Variants in CDK17 observed in about 807,000 individuals in gnomAD.
CDK17 encodes cyclin dependent kinase 17, also known as cyclin-dependent kinase 17.
In CDK17, 24 loss-of-function variants were observed where a neutral mutation model predicts 77.6. The ratio of observed to expected loss-of-function variants is 0.31; its 90% CI spans 0.22 to 0.44. The LOEUF is 0.44. Among genes scored for constraint, CDK17 ranks in the 20% least tolerant of loss-of-function variants. CDK17 has a pLI of 1.00. For synonymous variants in CDK17, 203 were observed against 210.4 expected (o/e 0.96, Z 0.30); for missense variants, 429 against 622.5 (o/e 0.69, Z 3.31).
chr12:96,329,954 T>C (rs764210349), intron 2 of CDK17, among the ~76,000 whole-genome samples: 2 of 152,250 alleles, frequency 1.3e-5, no homozygotes, highest in African/African-American at 2.4e-5. Flanking sequence ...TTACTTCTAA[T>C]GCTAAATAAT....
intron 1 of CDK17, among the ~76,000 whole-genome samples, chr12:96,395,726 G>A (rs1042727393): frequency 6.6e-6 from 1 of 152,146 alleles, no homozygotes; most frequent in East Asian, 1.9e-4. Context: ...GTTTAGATTA[G>A]GTCCTAAGAG....
chr12:96,354,681 G>A (rs1478722085), intron 1 of CDK17, among the ~76,000 whole-genome samples: 2 of 151,976 alleles, frequency 1.3e-5, no homozygotes, highest in African/African-American at 4.8e-5. Flanking sequence ...AGAGTTCCAA[G>A]ACCAGCCTTG....
intron 1 of CDK17, among the ~76,000 whole-genome samples, chr12:96,376,583 A>C (rs934272665): frequency 6.6e-6 from 1 of 152,234 alleles, no homozygotes; most frequent in Non-Finnish European, 1.5e-5. Flanking sequence ...CAGTGACACT[A>C]GTCTCATCAC....
intron 4 of CDK17, among the ~76,000 whole-genome samples, chr12:96,312,641 T>C (rs936303917): frequency 7.9e-5 from 12 of 152,082 alleles, no homozygotes; most frequent in Non-Finnish European, 1.5e-4. Flanking sequence ...AAAGCAACAA[T>C]ACTTTCATTT....
intron 5 of CDK17, among the ~76,000 whole-genome samples, chr12:96,301,159 C>G (rs1952494635): frequency 6.7e-6 from 1 of 149,286 alleles, no homozygotes; most frequent in African/African-American, 2.5e-5. Context: ...GAAAATCATG[C>G]TCTTCTATGG....
intron 2 of CDK17, among the ~76,000 whole-genome samples, chr12:96,326,184 T>C (rs1952889557): frequency 1.3e-5 from 2 of 152,320 alleles, no homozygotes. Flanking sequence ...TACAGCTTGA[T>C]TGTTCTGGAG....
At chr12:96,389,026 TTTA>T (rs59971369) in intron 1 of CDK17, among the ~76,000 whole-genome samples, 37 of 150,972 alleles carry the variant, frequency 2.5e-4, no homozygotes, top group African/African-American at 6.5e-4. Flanking sequence ...CTCACTTTTT[TTTA>T]TTATTATTAT....
chr12:96,287,138 G>A (rs573848666), intron 11 of CDK17, among the ~76,000 whole-genome samples: 1 of 152,238 alleles, frequency 6.6e-6, no homozygotes, highest in African/African-American at 2.4e-5. Flanking sequence ...AGACAGGAGT[G>A]GGGAAAAACA....
At chr12:96,362,891 G>A (rs549510570) in intron 1 of CDK17, among the ~76,000 whole-genome samples, 1 of 152,144 alleles carries the variant, frequency 6.6e-6, no homozygotes, top group East Asian at 1.9e-4. Context: ...GGGATGGAGG[G>A]TTCAATACTG....
intron 1 of CDK17, among the ~76,000 whole-genome samples, chr12:96,367,518 G>A (rs35046054): frequency 1.3e-5 from 2 of 151,872 alleles, no homozygotes; most frequent in Non-Finnish European, 2.9e-5. Flanking sequence ...AGCAGATTCA[G>A]AACTATTATT....
At chr12:96,325,249 T>A (rs1952877468) in intron 2 of CDK17, among the ~76,000 whole-genome samples, 3 of 152,212 alleles carry the variant, frequency 2.0e-5, no homozygotes, top group African/African-American at 4.8e-5. Flanking sequence ...AAGCCAACTA[T>A]TCTTCTGTAG....
intron 1 of CDK17, among the ~76,000 whole-genome samples, chr12:96,343,300 G>A (rs1300650308): frequency 6.6e-6 from 1 of 152,176 alleles, no homozygotes; most frequent in East Asian, 1.9e-4. Context: ...TGACTCACAT[G>A]GGCAAACCAG....
At chr12:96,342,336 C>A (rs570082974) in intron 1 of CDK17, among the ~76,000 whole-genome samples, 1 of 152,212 alleles carries the variant, frequency 6.6e-6, no homozygotes, top group African/African-American at 2.4e-5. Flanking sequence ...TGAGGAATAA[C>A]CAGTGTTTAA....
chr12:96,360,711 G>A (rs984514599), intron 1 of CDK17, among the ~76,000 whole-genome samples: 1 of 152,156 alleles, frequency 6.6e-6, no homozygotes, highest in Non-Finnish European at 1.5e-5. Flanking sequence ...CGTATACCCA[G>A]GCAGCTCTGG....
chr12:96,362,965 C>T (rs1327418709), intron 1 of CDK17, among the ~76,000 whole-genome samples: 1 of 152,050 alleles, frequency 6.6e-6, no homozygotes, highest in African/African-American at 2.4e-5. Context: ...ATCCAAGGTA[C>T]AGTGATGAAA....
intron 6 of CDK17, 50 bp from the exon 7 acceptor site, chr12:96,299,033 T>G (rs746404148): frequency 6.0e-6 from 5 of 839,790 alleles, no homozygotes; most frequent in African/African-American, 5.2e-5. Context: ...TAAGAGTCTA[T>G]TTAATACCAT....
intron 3 of CDK17, among the ~76,000 whole-genome samples, chr12:96,316,793 G>A (rs867211591): frequency 7.8e-4 from 104 of 133,140 alleles, no homozygotes; most frequent in Middle Eastern, 7.5e-3. Context: ...CATCCACACC[G>A]AAAACCCATC....
In CDK17 at chr12:96,286,722, T is replaced by C; in HGVS notation, c.1158A>G (p.Arg386=). ...CCACGGTTGATCCTGGAAATAAAGG[T>C]CTTCCAGAAGCCATTTCAAAGAAAA... ...GCIFFEMASG[R]PLFPGSTVED... Residue 386 remains arginine, a synonymous_variant, in exon 12 of 17, where the codon AGA becomes AGG. Transcript: ENST00000261211. 6.2e-7 allele frequency: 1 copy of C among 1,613,394 alleles called. No individual in the cohort carries two copies.
chr12:96,285,345 G>A (rs1166839127), intron 13 of CDK17, among the ~76,000 whole-genome samples: 1 of 152,064 alleles, frequency 6.6e-6, no homozygotes, highest in Non-Finnish European at 1.5e-5. Context: ...GAAAATAAAA[G>A]GAAGCATAAC....
Sources: gnomAD v4.1 joint callset for allele counts (sites outside exome capture counted in the v4.1 genomes callset) on GRCh38, gnomAD v4.1.1 for gene constraint, MANE v1.5 for transcripts, NCBI Gene and HGNC (gene_info 2026-07-23, HGNC 2026-07-21) for gene names.